PLVAP: variants seen among roughly 807,000 people sequenced by gnomAD.
The protein encoded by PLVAP is plasmalemma vesicle associated protein, also known as plasmalemma vesicle-associated protein.
A neutral mutation model predicts 43.1 loss-of-function variants in PLVAP; 34 were observed. The ratio of observed to expected loss-of-function variants is 0.79; its 90% CI spans 0.60 to 1.05. The LOEUF is 1.05. Ranked by LOEUF, PLVAP falls within the 50% of genes least tolerant of loss-of-function variation. PLVAP has a pLI of 0.00. For synonymous variants in PLVAP, 241 were observed against 237.3 expected, an observed-to-expected ratio of 1.02 and a Z score of -0.14; for missense variants, 574 against 593.4, an observed-to-expected ratio of 0.97 and a Z score of 0.34.
At chr19:17,374,956 C>T (rs558197929) in intron 1 of PLVAP, among the ~76,000 whole-genome samples, 2 of 151,988 alleles carry the variant, frequency 1.3e-5, no homozygotes, top group South Asian at 2.1e-4. Flanking sequence ...GTAGCTGGGA[C>T]TACAGGCACA....
intron 1 of PLVAP, among the ~76,000 whole-genome samples, chr19:17,371,498 T>A (rs2074571996): frequency 6.6e-6 from 1 of 152,044 alleles, no homozygotes; most frequent in Non-Finnish European, 1.5e-5. Flanking sequence ...AATTTAATTT[T>A]ATTTTTTTTG....
At chr19:17,363,667 G>A (rs2074536803) in intron 3 of PLVAP, among the ~76,000 whole-genome samples, 1 of 151,408 alleles carries the variant, frequency 6.6e-6, no homozygotes, top group African/African-American at 2.4e-5. Flanking sequence ...CAACCTCCTG[G>A]GCTCAAGCAA....
chr19:17,352,880 G>A (rs1037307024), intron 5 of PLVAP, among the ~76,000 whole-genome samples: 4 of 152,198 alleles, frequency 2.6e-5, no homozygotes. Context: ...TTACAACGTG[G>A]CATTCAGGGC....
At position 17,377,146 on chromosome 19, in the gene PLVAP, A is replaced by G; in HGVS notation, c.143T>C (p.Val48Ala). 2 of 1,614,088 alleles carry G rather than the reference A, an allele frequency of 1.2e-6. No individual in the cohort carries two copies. The highest frequency in any genetic ancestry group is 1.7e-6 in the Non-Finnish European group (2 of 1,180,018). Residue 48 changes from valine to alanine, a missense_variant, in exon 1 of 6, where the codon GTC becomes GCC. Transcript: ENST00000252590. ...LIILGLVLFM[V>A]YGNVHVSTES... ...TGTGCTCACGTGCACGTTGCCATAG[A>G]CCATGAAGAGCACGAGCCCCAGGAT...
chr19:17,353,294 A>G (rs1315076955), intron 5 of PLVAP, among the ~76,000 whole-genome samples: 2 of 152,234 alleles, frequency 1.3e-5, no homozygotes, highest in South Asian at 2.1e-4. Context: ...GCAAGGCTCC[A>G]TCTTTGCTTG....
intron 1 of PLVAP, among the ~76,000 whole-genome samples, chr19:17,373,343 G>A (rs2074582102): frequency 6.6e-6 from 1 of 152,018 alleles, no homozygotes; most frequent in South Asian, 2.1e-4. Context: ...CTACCCCTGG[G>A]GCTCTGGGCG....
intron 1 of PLVAP, among the ~76,000 whole-genome samples, chr19:17,371,424 T>G (rs911562690): frequency 2.6e-5 from 4 of 151,990 alleles, no homozygotes; most frequent in Non-Finnish European, 2.9e-5. Flanking sequence ...TCTCCTGCCT[T>G]GACTTCCCAA....
chr19:17,377,279 C>G lies in PLVAP; in HGVS notation c.10G>C (p.Ala4Pro). The G allele has an allele frequency of 1.2e-6, 2 of 1,610,460 alleles. No homozygotes were observed. Among genetic ancestry groups the G allele is most frequent in the Non-Finnish European group, 8.5e-7 (1 of 1,178,026 alleles). The change falls in exon 1 of 6, where the codon GCC becomes CCC. Residue 4 changes from alanine (A) to proline (P), a missense_variant. Transcript: ENST00000252590. ...GCGTAGGACCCTCCGTGCTCCATGG[C>G]CAGACCCATTTGCTCGATCCCGCCG... is the stretch of plus-strand genomic sequence containing the variant. MGL[A>P]MEHGGSYARA... is the part of the protein sequence containing the mutation.
chr19:17,352,372 G>T lies in PLVAP; in HGVS notation c.1323-4C>A. On this transcript the variant is annotated splice_region_variant and splice_polypyrimidine_tract_variant and intron_variant, in intron 5 of 5. Transcript: ENST00000252590. ...AGGCCTGGAGCCTCCTCAGCCACTAGGGCAGGAAGGGGATGGTAACACAAC... is the reference window on the plus strand; with the variant it reads ...AGGCCTGGAGCCTCCTCAGCCACTATGGCAGGAAGGGGATGGTAACACAAC... 6.2e-7 allele frequency: 1 copy of T among 1,613,450 alleles called. No individual in the cohort carries two copies. Among genetic ancestry groups the T allele is most frequent in the East Asian group, 2.2e-5 (1 of 44,864 alleles).
Position 17,360,824 on chromosome 19 carries a change from C to A in PLVAP, c.1188G>T (p.Pro396=), listed in dbSNP as rs149679665. 6.2e-7 allele frequency: 1 copy of A among 1,613,488 alleles called. No homozygotes were observed. Among genetic ancestry groups the A allele is most frequent in the East Asian group, 2.2e-5 (1 of 44,892 alleles). The stretch of plus-strand genomic sequence containing the variant: ...CCATGGGCCTTGACACTGGCATCAT[C>A]GGCTGCGACTGTGAAAGAAAGATGG... ...LDTCIKTKSQ[P]MMPVSRPMGP... is the part of the protein sequence containing the mutation. Residue 396 remains proline, a synonymous_variant, in exon 4 of 6, where the codon CCG becomes CCT. Transcript: ENST00000252590.
chr19:17,373,108 C>T (rs1568377479), intron 1 of PLVAP, among the ~76,000 whole-genome samples: 1 of 105,654 alleles, frequency 9.5e-6, no homozygotes, highest in Non-Finnish European at 2.0e-5. Context: ...GAAAAGACAC[C>T]AGTTAGCCAG....
rs113822478 is a variant in PLVAP, at chr19:17,360,945, G to A, written c.1180-113C>T. ...TTTTTTTTTTTTGAGACGGAGTTTC[G>A]CTCTTGTTGCCCAGGCTGGAGTGCA... On this transcript the variant is annotated intron_variant, in intron 3 of 5. Transcript: ENST00000252590. 3.7e-4 allele frequency: 361 copies of A among 966,530 alleles called. 2 individuals carry two copies. The African/African-American group carries it at 5.5e-3, about 15-fold the overall frequency. 59.9% of individuals were successfully genotyped at this position (966,530 alleles called of 1,614,324 possible).
chr19:17,368,102 G>A (rs1171923350), intron 1 of PLVAP, among the ~76,000 whole-genome samples: 2 of 102,432 alleles, frequency 2.0e-5, no homozygotes, highest in Admixed American at 1.2e-4. Context: ...ACGGAGTTTC[G>A]CTCTTTTTGC....
chr19:17,356,324 A>T (rs1399548409), intron 5 of PLVAP, among the ~76,000 whole-genome samples: 1 of 151,686 alleles, frequency 6.6e-6, no homozygotes, highest in African/African-American at 2.4e-5. Flanking sequence ...AAAAAGAAAG[A>T]TTTTTTTTCC....
intron 5 of PLVAP, among the ~76,000 whole-genome samples, chr19:17,360,204 G>T (rs1440651492): frequency 6.6e-6 from 1 of 152,214 alleles, no homozygotes; most frequent in Non-Finnish European, 1.5e-5. Context: ...TTATTGTTAA[G>T]TTGTGAAGAT....
intron 1 of PLVAP, among the ~76,000 whole-genome samples, chr19:17,374,988 AT>A (rs1269045326): frequency 6.6e-6 from 1 of 151,880 alleles, no homozygotes; most frequent in African/African-American, 2.4e-5. Context: ...CCGGCTAATA[AT>A]TTTTGTATTT....
At chr19:17,373,638 C>G (rs2074583358) in intron 1 of PLVAP, among the ~76,000 whole-genome samples, 1 of 152,040 alleles carries the variant, frequency 6.6e-6, no homozygotes, top group African/African-American at 2.4e-5. Context: ...ACCTGCTCCC[C>G]ACAATGTCTC....
At chr19:17,374,618 C>T (rs2074587315) in intron 1 of PLVAP, among the ~76,000 whole-genome samples, 1 of 151,968 alleles carries the variant, frequency 6.6e-6, no homozygotes, top group African/African-American at 2.4e-5. Context: ...TTTATTCAGT[C>T]CATCCTTTTT....
At chr19:17,373,667 C>G (rs977332347) in intron 1 of PLVAP, among the ~76,000 whole-genome samples, 1 of 152,046 alleles carries the variant, frequency 6.6e-6, no homozygotes, top group Admixed American at 6.6e-5. Context: ...CGGGACACCC[C>G]CTGGATGAAG....
Sources: gnomAD v4.1 joint callset for allele counts (sites outside exome capture counted in the v4.1 genomes callset) on GRCh38, gnomAD v4.1.1 for gene constraint, MANE v1.5 for transcripts, NCBI Gene and HGNC (gene_info 2026-07-23, HGNC 2026-07-21) for gene names.